The following DEPDC1B variants were observed in gnomAD, a reference collection of about 807,000 sequenced individuals.
The protein encoded by DEPDC1B is DEP domain-containing protein 1B.
In DEPDC1B, 51 loss-of-function variants were observed where a neutral mutation model predicts 66.5. The ratio of observed to expected loss-of-function variants is 0.77; its 90% CI spans 0.61 to 0.97. The LOEUF (loss-of-function observed/expected upper bound fraction) is 0.97, where lower values mean the gene tolerates loss of function less well. Among genes scored for constraint, DEPDC1B ranks in the 50% least tolerant of loss-of-function variants. DEPDC1B has a pLI of 0.00. For missense variants in DEPDC1B, 552 were observed against 637.1 expected (o/e 0.87, Z 1.44); for synonymous variants, 226 against 223.6 (o/e 1.01, Z -0.10).
rs982384101 is a variant in DEPDC1B, at chr5:60,700,109, G to A, written c.-16C>T. The stretch of plus-strand genomic sequence containing the variant: ...GATGCTCCATGGCGCGTAGGCAGCA[G>A]CGGCCGCAGCCGCGCCAGCGCTGAT... On this transcript the variant is annotated 5_prime_UTR_variant, in exon 1 of 11. Transcript: ENST00000265036. The A allele has an allele frequency of 6.5e-7, 1 of 1,545,112 alleles. No individual in the cohort carries two copies. Among genetic ancestry groups the A allele is most frequent in the Non-Finnish European group, 8.7e-7 (1 of 1,147,520 alleles).
intron 2 of DEPDC1B, among the ~76,000 whole-genome samples, chr5:60,675,182 G>A (rs1057380423): frequency 6.6e-6 from 1 of 151,814 alleles, no homozygotes; most frequent in East Asian, 2.0e-4. Flanking sequence ...TCCACTGTAG[G>A]GCACAGGGCC....
At chr5:60,690,776 C>A (rs934582418) in intron 1 of DEPDC1B, among the ~76,000 whole-genome samples, 3 of 151,456 alleles carry the variant, frequency 2.0e-5, no homozygotes, top group East Asian at 2.0e-4. Context: ...TTTTGCCCAA[C>A]CTTGGGTCAT....
intron 2 of DEPDC1B, among the ~76,000 whole-genome samples, chr5:60,663,443 C>T (rs1236821372): frequency 6.6e-6 from 1 of 152,206 alleles, no homozygotes; most frequent in Non-Finnish European, 1.5e-5. Context: ...GCCGTTGTCC[C>T]TCTATACCCA....
chr5:60,686,866 G>C (rs1305471699), intron 2 of DEPDC1B, 96 bp downstream of exon 2: 1 of 1,456,628 alleles, frequency 6.9e-7, no homozygotes, highest in East Asian at 2.3e-5. Context: ...CAGTGAACAA[G>C]GTAAATTCTT....
chr5:60,681,868 C>T (rs1207180906), intron 2 of DEPDC1B, among the ~76,000 whole-genome samples: 4 of 151,948 alleles, frequency 2.6e-5, no homozygotes, highest in East Asian at 1.9e-4. Flanking sequence ...CTCTCACCTC[C>T]TGGGTAGCTG....
At chr5:60,634,929 C>A (rs1753008945) in intron 7 of DEPDC1B, among the ~76,000 whole-genome samples, 1 of 151,486 alleles carries the variant, frequency 6.6e-6, no homozygotes, top group Non-Finnish European at 1.5e-5. Flanking sequence ...CATGGTGGTG[C>A]ATGCCTGTAA....
At chr5:60,694,310 C>G (rs1754611403) in intron 1 of DEPDC1B, among the ~76,000 whole-genome samples, 1 of 152,164 alleles carries the variant, frequency 6.6e-6, no homozygotes, top group Non-Finnish European at 1.5e-5. Flanking sequence ...AGATCTAGCC[C>G]ATTCTTAAGA....
intron 1 of DEPDC1B, among the ~76,000 whole-genome samples, chr5:60,690,641 A>T (rs1480745329): frequency 6.6e-6 from 1 of 151,836 alleles, no homozygotes; most frequent in Non-Finnish European, 1.5e-5. Flanking sequence ...CACTTTATAA[A>T]CTCCGAATCT....
At chr5:60,612,710 A>T (rs983106991) in intron 7 of DEPDC1B, among the ~76,000 whole-genome samples, 1 of 151,474 alleles carries the variant, frequency 6.6e-6, no homozygotes, top group African/African-American at 2.4e-5. Flanking sequence ...GTTCAGAAAA[A>T]AAAAAAAAAA....
At chr5:60,654,602 A>G (rs1333174562) in intron 2 of DEPDC1B, among the ~76,000 whole-genome samples, 1 of 148,764 alleles carries the variant, frequency 6.7e-6, no homozygotes, top group Non-Finnish European at 1.5e-5. Context: ...CGCTTTACCA[A>G]TTTGGATGCC....
At chr5:60,637,763 C>T (rs1387359314) in intron 7 of DEPDC1B, among the ~76,000 whole-genome samples, 1 of 152,204 alleles carries the variant, frequency 6.6e-6, no homozygotes, top group Non-Finnish European at 1.5e-5. Flanking sequence ...TGGGAAAACA[C>T]TGACTCTTAT....
At chr5:60,626,828 C>T (rs1752818211) in intron 7 of DEPDC1B, among the ~76,000 whole-genome samples, 1 of 151,830 alleles carries the variant, frequency 6.6e-6, no homozygotes, top group Non-Finnish European at 1.5e-5. Flanking sequence ...CAGAAATACA[C>T]AGTCAGAAGT....
chr5:60,700,142 A>T lies in DEPDC1B; in HGVS notation c.-49T>A. ...AGCCGCGCCAGCGCTGATCCCCGCC[A>T]GCCGGAGGAGCAGCAGTTTGAATCC... is the stretch of plus-strand genomic sequence containing the variant. On this transcript the variant is annotated 5_prime_UTR_variant, in exon 1 of 11. Transcript: ENST00000265036. The T allele has an allele frequency of 6.6e-7, 1 of 1,523,590 alleles. No homozygotes were observed. The highest frequency in any genetic ancestry group is 1.2e-5 in the South Asian group (1 of 82,158). 94.4% of individuals were successfully genotyped at this position (1,523,590 alleles called of 1,614,324 possible).
At chr5:60,696,971 T>A (rs1052045772) in intron 1 of DEPDC1B, among the ~76,000 whole-genome samples, 1 of 152,232 alleles carries the variant, frequency 6.6e-6, no homozygotes, top group South Asian at 2.1e-4. Flanking sequence ...CGTTGTGTGA[T>A]CTTGCCATTC....
chr5:60,654,593 G>A (rs985565287), intron 2 of DEPDC1B, among the ~76,000 whole-genome samples: 4 of 148,410 alleles, frequency 2.7e-5, no homozygotes, highest in African/African-American at 5.1e-5. Context: ...TTTGACTTCC[G>A]CTTTACCAAT....
Position 60,638,861 on chromosome 5 carries a change from T to G in DEPDC1B, c.787A>C (p.Met263Leu). The G allele has an allele frequency of 6.2e-7, 1 of 1,612,656 alleles. No homozygotes were observed. Among genetic ancestry groups the G allele is most frequent in the South Asian group, 1.1e-5 (1 of 90,684 alleles). The change falls in exon 7 of 11, where the codon ATG becomes CTG. Residue 263 changes from methionine to leucine, a missense_variant. Coordinates refer to ENST00000265036, the MANE Select transcript of DEPDC1B (RefSeq NM_018369.3). Reference protein sequence around the residue: ...WPNCSDLKQPMYLGFEKDVFK... With the variant: ...WPNCSDLKQPLYLGFEKDVFK... ...ACATCTTTTTCAAATCCCAAGTACA[T>G]AGGCTGCTTCAAATCAGAACAGTTG... is the stretch of plus-strand genomic sequence containing the variant.
intron 2 of DEPDC1B, among the ~76,000 whole-genome samples, chr5:60,684,830 T>A (rs1008298843): frequency 2.0e-5 from 3 of 152,126 alleles, no homozygotes; most frequent in African/African-American, 7.2e-5. Context: ...TGAAAACTAT[T>A]CATCCAACAA....
intron 7 of DEPDC1B, among the ~76,000 whole-genome samples, chr5:60,613,884 T>A (rs1175954577): frequency 6.6e-6 from 1 of 151,742 alleles, no homozygotes; most frequent in Non-Finnish European, 1.5e-5. Context: ...GGTCTGAGGT[T>A]TTAAGCATTC....
At chr5:60,678,809 T>C (rs1018630370) in intron 2 of DEPDC1B, among the ~76,000 whole-genome samples, 5 of 152,352 alleles carry the variant, frequency 3.3e-5, no homozygotes, top group East Asian at 1.9e-4. Flanking sequence ...CACTGTCACA[T>C]ATGTGGTTTG....
Sources: allele counts gnomAD v4.1 joint callset (sites outside exome capture counted in the v4.1 genomes callset), GRCh38; gene constraint gnomAD v4.1.1; transcripts MANE v1.5; gene names NCBI Gene and HGNC (gene_info 2026-07-23, HGNC 2026-07-21).